NAALADL2: variants seen among roughly 807,000 people sequenced by gnomAD.
NAALADL2 encodes inactive N-acetylated-alpha-linked acidic dipeptidase-like protein 2.
A neutral mutation model predicts 87.2 loss-of-function variants in NAALADL2; 76 were observed. That is an observed-to-expected ratio of 0.87 (90% CI 0.72 to 1.05). The LOEUF (loss-of-function observed/expected upper bound fraction) is 1.05, where lower values mean the gene tolerates loss of function less well. NAALADL2 is among the 50% of genes least tolerant of loss of function. NAALADL2 has a pLI of 0.00. For synonymous variants in NAALADL2, 354 were observed against 331.0 expected (o/e 1.07, Z -0.75); for missense variants, 1,089 against 945.8 (o/e 1.15, Z -1.99).
intron 1 of NAALADL2, among the ~76,000 whole-genome samples, chr3:174,500,931 A>T (rs1182850487): frequency 6.6e-6 from 1 of 150,864 alleles, no homozygotes; most frequent in Non-Finnish European, 1.5e-5. Context: ...GTCTCAGCTC[A>T]CTGCAACCTC....
intron 1 of NAALADL2, among the ~76,000 whole-genome samples, chr3:174,926,437 G>A (rs1488679423): frequency 1.3e-5 from 2 of 152,114 alleles, no homozygotes; most frequent in African/African-American, 2.4e-5. Flanking sequence ...AAGGAAAAAT[G>A]TTAAGGGCAG....
chr3:174,690,202 T>C (rs1728436887), intron 2 of NAALADL2, among the ~76,000 whole-genome samples: 3 of 152,160 alleles, frequency 2.0e-5, no homozygotes, highest in African/African-American at 7.2e-5. Context: ...GTCTAGAAAA[T>C]GGTGAACAAA....
Position 175,324,302 on chromosome 3 carries a change from C to T in NAALADL2, c.1067C>T (p.Ser356Phe). The stretch of plus-strand genomic sequence containing the variant: ...TCACTGAATCCAGGAGGAGACCCTT[C>T]TACGCCTGGTTACCCAAGTGTCGGT... ...MVSLNPGGDP[S>F]TPGYPSVDES... is the part of the protein sequence containing the mutation. Residue 356 changes from serine (S) to phenylalanine (F), a missense_variant, in exon 5 of 14, where the codon TCT (serine) becomes TTT (phenylalanine). Physicochemically the swap from Ser to Phe is radical, Grantham distance 155. Coordinates refer to ENST00000454872, the MANE Select transcript of NAALADL2 (RefSeq NM_207015.3). The T allele has an allele frequency of 1.9e-6, 3 of 1,612,458 alleles. No homozygotes were observed. The highest frequency in any genetic ancestry group is 2.5e-6 in the Non-Finnish European group (3 of 1,179,328).
intron 2 of NAALADL2, among the ~76,000 whole-genome samples, chr3:174,591,135 A>G (rs1717317948): frequency 6.6e-6 from 1 of 152,190 alleles, no homozygotes; most frequent in African/African-American, 2.4e-5. Flanking sequence ...ACCTTGGCTG[A>G]TCCTCTGGAG....
At chr3:175,358,351 T>A (rs530134659) in intron 5 of NAALADL2, among the ~76,000 whole-genome samples, 18 of 152,262 alleles carry the variant, frequency 1.2e-4, no homozygotes, top group African/African-American at 4.3e-4. Flanking sequence ...TTTTTCATTC[T>A]TTTTTACAGA....
At chr3:174,482,756 T>G (rs1334600546) in intron 1 of NAALADL2, among the ~76,000 whole-genome samples, 1 of 152,020 alleles carries the variant, frequency 6.6e-6, no homozygotes, top group Non-Finnish European at 1.5e-5. Flanking sequence ...TTTGAATTGA[T>G]TATCCTTTGA....
At chr3:174,739,559 C>T (rs1254313230) in intron 3 of NAALADL2, among the ~76,000 whole-genome samples, 3 of 151,988 alleles carry the variant, frequency 2.0e-5, no homozygotes, top group Non-Finnish European at 4.4e-5. Flanking sequence ...CAAGTGTGAT[C>T]ATTTTGAGAA....
At chr3:174,656,292 C>T (rs138681764) in intron 2 of NAALADL2, among the ~76,000 whole-genome samples, 1 of 152,152 alleles carries the variant, frequency 6.6e-6, no homozygotes, top group Non-Finnish European at 1.5e-5. Flanking sequence ...CAGAGAGAAA[C>T]AGAACTGAAG....
chr3:174,757,537 G>A (rs906215997), intron 3 of NAALADL2, among the ~76,000 whole-genome samples: 1 of 151,918 alleles, frequency 6.6e-6, no homozygotes, highest in Non-Finnish European at 1.5e-5. Flanking sequence ...TGTCGCCCAG[G>A]CTGGAGTGCA....
intron 1 of NAALADL2, among the ~76,000 whole-genome samples, chr3:174,546,858 A>ATCTAGGT (rs1722793924): frequency 1.3e-5 from 2 of 151,974 alleles, no homozygotes; most frequent in Admixed American, 1.3e-4. Context: ...GGGTTTCACT[A>ATCTAGGT]TGTTGTCTAG....
At chr3:175,780,265 G>A (rs1750860590) in intron 13 of NAALADL2, among the ~76,000 whole-genome samples, 1 of 150,648 alleles carries the variant, frequency 6.6e-6, no homozygotes, top group African/African-American at 2.4e-5. Flanking sequence ...GACAGAGCGA[G>A]ACTCTGTCTC....
chr3:174,751,830 T>C (rs1280675802), intron 3 of NAALADL2, among the ~76,000 whole-genome samples: 1 of 150,760 alleles, frequency 6.6e-6, no homozygotes, highest in Non-Finnish European at 1.5e-5. Context: ...TATTCATAAG[T>C]GATATTGACT....
intron 2 of NAALADL2, among the ~76,000 whole-genome samples, chr3:175,140,040 C>A (rs529085791): frequency 6.6e-6 from 1 of 152,050 alleles, no homozygotes; most frequent in Admixed American, 6.6e-5. Context: ...GGAGATAATA[C>A]GGATAAACAA....
chr3:174,508,272 C>A (rs532945736), intron 1 of NAALADL2, among the ~76,000 whole-genome samples: 2 of 152,032 alleles, frequency 1.3e-5, no homozygotes, highest in East Asian at 3.9e-4. Flanking sequence ...TGCCACCATG[C>A]CCGGCTAATT....
intron 11 of NAALADL2, among the ~76,000 whole-genome samples, chr3:175,663,357 T>C (rs1479103725): frequency 6.6e-6 from 1 of 151,794 alleles, no homozygotes; most frequent in Non-Finnish European, 1.5e-5. Context: ...TTGTTTGTAA[T>C]AGTCTCTGAC....
intron 11 of NAALADL2, among the ~76,000 whole-genome samples, chr3:175,716,267 A>ATATG (rs1420901125): frequency 1.5e-5 from 2 of 130,850 alleles, no homozygotes; most frequent in African/African-American, 7.7e-5. Flanking sequence ...TGTATATAAT[A>ATATG]TATATAATAT....
intron 5 of NAALADL2, among the ~76,000 whole-genome samples, chr3:175,365,694 G>C (rs1195200668): frequency 6.8e-6 from 1 of 146,782 alleles, no homozygotes; most frequent in African/African-American, 2.5e-5. Context: ...ATTTGAAATT[G>C]TATGACCTAA....
intron 1 of NAALADL2, among the ~76,000 whole-genome samples, chr3:174,937,924 A>G (rs1737943197): frequency 6.6e-6 from 1 of 152,068 alleles, no homozygotes; most frequent in Non-Finnish European, 1.5e-5. Context: ...GAAAGTATAT[A>G]TATTTCTTTA....
rs765345797 is a variant in NAALADL2 at position 175,150,159 on chromosome 3, A to AG, written c.545+52868_545+52869insG. Among the ~76,000 whole-genome samples, 1,165 of 152,278 alleles carry AG rather than the reference A, an allele frequency of 7.7e-3. 4 individuals are homozygous for AG. The highest frequency in any genetic ancestry group is 0.025 in the South Asian group (122 of 4,828). On this transcript the variant is annotated intron_variant, in intron 2 of 13. Coordinates refer to ENST00000454872, the MANE Select transcript of NAALADL2 (RefSeq NM_207015.3). ...ATTAAGAATCTTTCTATGTTTTATAACAATAGGTTTCAAAAGAGCATCAAG... is the reference window on the plus strand; with the variant it reads ...ATTAAGAATCTTTCTATGTTTTATAAGCAATAGGTTTCAAAAGAGCATCAAG...
Sources: gnomAD v4.1 joint callset for allele counts (sites outside exome capture counted in the v4.1 genomes callset) on GRCh38, gnomAD v4.1.1 for gene constraint, MANE v1.5 for transcripts, NCBI Gene and HGNC (gene_info 2026-07-23, HGNC 2026-07-21) for gene names.